Variants in LINGO2 observed in about 807,000 individuals in gnomAD.
The protein encoded by LINGO2 is leucine rich repeat and Ig domain containing 2.
Under a neutral mutation model 30.6 loss-of-function variants are expected in LINGO2, and 14 were observed. That is an observed-to-expected ratio of 0.46 (90% CI 0.30 to 0.72). LINGO2 has a LOEUF of 0.72. Among genes scored for constraint, LINGO2 ranks in the 30% least tolerant of loss-of-function variants. The probability of loss-of-function intolerance (pLI) is 0.07; values close to 1 mark genes in which losing one functional copy is unlikely to be tolerated. For missense variants in LINGO2, 729 were observed against 751.7 expected (o/e 0.97, Z 0.35); for synonymous variants, 317 against 288.5 (o/e 1.10, Z -1.00).
the LINGO2 span, among the ~76,000 whole-genome samples, chr9:28,992,310 A>G: frequency 3.9e-3 from 596 of 152,302 alleles, 5 homozygotes; most frequent in African/African-American, 0.014. Context: ...CAACAAGAAG[A>G]GCTAACTATC....
the LINGO2 span, among the ~76,000 whole-genome samples, chr9:28,995,726 T>C: frequency 6.6e-6 from 1 of 152,114 alleles, no homozygotes; most frequent in Admixed American, 6.6e-5. Flanking sequence ...TGTAGGGACA[T>C]GGATGAAACT....
the LINGO2 span, among the ~76,000 whole-genome samples, chr9:28,726,517 A>G: frequency 6.6e-6 from 1 of 152,212 alleles, no homozygotes; most frequent in Non-Finnish European, 1.5e-5. Context: ...ACTAATGGCA[A>G]CAGACTACTG....
chr9:28,956,413 T>C, the LINGO2 span, among the ~76,000 whole-genome samples: 1 of 152,146 alleles, frequency 6.6e-6, no homozygotes, highest in South Asian at 2.1e-4. Context: ...CTGATTTTTA[T>C]TAAAGTGACA....
intron 1 of LINGO2, among the ~76,000 whole-genome samples, chr9:28,560,020 T>C (rs1822961569): frequency 6.6e-6 from 1 of 150,512 alleles, no homozygotes; most frequent in South Asian, 2.1e-4. Flanking sequence ...AGCCTCCTAC[T>C]CAAAGCTGCC....
At chr9:28,719,318 T>G in the LINGO2 span, among the ~76,000 whole-genome samples, 10 of 152,048 alleles carry the variant, frequency 6.6e-5, no homozygotes, top group African/African-American at 2.4e-4. Flanking sequence ...CCTCCTTCCC[T>G]GAAGGAACTA....
At chr9:28,226,077 G>T (rs1160909166) in intron 4 of LINGO2, among the ~76,000 whole-genome samples, 3 of 152,106 alleles carry the variant, frequency 2.0e-5, no homozygotes, top group African/African-American at 7.2e-5. Context: ...ATCTTAAATG[G>T]CTTATTCTCA....
chr9:28,400,672 C>T (rs770870731), intron 2 of LINGO2, among the ~76,000 whole-genome samples: 5 of 151,890 alleles, frequency 3.3e-5, no homozygotes, highest in Non-Finnish European at 7.4e-5. Flanking sequence ...TCAAAGGTAC[C>T]CATGAACAAA....
chr9:28,531,331 G>A lies in LINGO2; in HGVS notation c.-364-55306C>T, dbSNP rs553078072. Among the ~76,000 whole-genome samples the A allele has an allele frequency of 5.3e-5, 8 of 151,960 alleles. No individual in the cohort carries two copies. In the South Asian group the frequency reaches 8.3e-4, roughly 16 times the overall value. On this transcript the variant is annotated intron_variant, in intron 1 of 5. Coordinates refer to ENST00000379992, the Ensembl canonical transcript of LINGO2. Reference sequence around the variant, plus strand: ...CCCACACAATCTCGGGAGCATTAAGGCATTGGTTATTTTTCCTACATTGTC... The same window carrying A: ...CCCACACAATCTCGGGAGCATTAAGACATTGGTTATTTTTCCTACATTGTC...
the LINGO2 span, among the ~76,000 whole-genome samples, chr9:29,206,882 C>G: frequency 6.6e-6 from 1 of 151,878 alleles, no homozygotes; most frequent in Non-Finnish European, 1.5e-5. Flanking sequence ...TAATCGAGAC[C>G]AAAGCTAGGC....
At chr9:28,070,467 G>C (rs1434354469) in intron 4 of LINGO2, among the ~76,000 whole-genome samples, 3 of 152,112 alleles carry the variant, frequency 2.0e-5, no homozygotes, top group South Asian at 4.1e-4. Flanking sequence ...CAGTTTATTT[G>C]ATTGTCCTAC....
chr9:28,139,993 G>C (rs1346912190), intron 4 of LINGO2, among the ~76,000 whole-genome samples: 1 of 152,102 alleles, frequency 6.6e-6, no homozygotes, highest in East Asian at 1.9e-4. Flanking sequence ...ACCGTCAAAA[G>C]TATTTTTGTA....
At chr9:28,041,614 A>G (rs1385920179) in intron 4 of LINGO2, among the ~76,000 whole-genome samples, 2 of 152,286 alleles carry the variant, frequency 1.3e-5, no homozygotes, top group East Asian at 3.9e-4. Context: ...GAGATGTAAA[A>G]TCCATCAACA....
At chr9:28,894,017 T>C in the LINGO2 span, among the ~76,000 whole-genome samples, 129,111 of 151,594 alleles carry the variant, frequency 0.85, 55,159 homozygotes, top group Non-Finnish European at 0.89. Flanking sequence ...TTTTTTGTCC[T>C]TGCGATAGTT....
chr9:29,019,130 T>C, the LINGO2 span, among the ~76,000 whole-genome samples: 2 of 152,164 alleles, frequency 1.3e-5, no homozygotes, highest in African/African-American at 4.8e-5. Flanking sequence ...AATAATCTGA[T>C]ACTCTGCTCC....
intron 3 of LINGO2, among the ~76,000 whole-genome samples, chr9:28,309,771 A>C (rs28851897): frequency 6.6e-6 from 1 of 151,924 alleles, no homozygotes; most frequent in Non-Finnish European, 1.5e-5. Context: ...AGTTACATAA[A>C]AAACTCGTGT....
chr9:28,643,716 G>A (rs1827708739), intron 1 of LINGO2, among the ~76,000 whole-genome samples: 1 of 151,912 alleles, frequency 6.6e-6, no homozygotes, highest in Non-Finnish European at 1.5e-5. Context: ...CTTCTGCATA[G>A]CAAAAGAAAC....
chr9:28,912,679 T>C, the LINGO2 span, among the ~76,000 whole-genome samples: 1 of 152,194 alleles, frequency 6.6e-6, no homozygotes, highest in African/African-American at 2.4e-5. Context: ...GTGTCTTCAT[T>C]AGTAATCACT....
chr9:27,963,995 C>T (rs1304990267), intron 5 of LINGO2, among the ~76,000 whole-genome samples: 2 of 152,084 alleles, frequency 1.3e-5, no homozygotes, highest in African/African-American at 4.8e-5. Flanking sequence ...AGATGAAGCC[C>T]AAAGTCCCAG....
At chr9:28,462,273 G>C (rs1057410543) in intron 2 of LINGO2, among the ~76,000 whole-genome samples, 1 of 151,884 alleles carries the variant, frequency 6.6e-6, no homozygotes, top group Non-Finnish European at 1.5e-5. Flanking sequence ...AATTATTTCA[G>C]TTTAAATAAT....
Sources: allele counts gnomAD v4.1 joint callset (sites outside exome capture counted in the v4.1 genomes callset), GRCh38; gene constraint gnomAD v4.1.1; transcripts MANE v1.5; gene names NCBI Gene and HGNC (gene_info 2026-07-23, HGNC 2026-07-21).